The following RBBP8 variants were observed in gnomAD, a reference collection of about 807,000 sequenced individuals.
RBBP8 encodes the protein RB binding protein 8, endonuclease.
A neutral mutation model predicts 108.3 loss-of-function variants in RBBP8; 88 were observed. The observed-to-expected ratio is 0.81, with a 90% confidence interval of 0.68 to 0.97. The LOEUF is 0.97. RBBP8 is among the 50% of genes least tolerant of loss of function. The probability of loss-of-function intolerance (pLI) is 0.00; values close to 1 mark genes in which losing one functional copy is unlikely to be tolerated. For missense variants in RBBP8, 1,023 were observed against 1,049.0 expected, an observed-to-expected ratio of 0.98 and a Z score of 0.34; for synonymous variants, 332 against 348.2, an observed-to-expected ratio of 0.95 and a Z score of 0.52.
At chr18:23,000,405 T>C (rs2045927365) in intron 14 of RBBP8, among the ~76,000 whole-genome samples, 1 of 152,156 alleles carries the variant, frequency 6.6e-6, no homozygotes, top group Non-Finnish European at 1.5e-5. Context: ...CAGATGCTAA[T>C]GAAGATGAAA....
At chr18:22,966,719 CTTTTTTT>C (rs796853895) in intron 4 of RBBP8, among the ~76,000 whole-genome samples, 29 of 128,116 alleles carry the variant, frequency 2.3e-4, no homozygotes, top group South Asian at 2.2e-3. Context: ...TACTTACTAT[CTTTTTTT>C]TTTTTTTTTT....
chr18:22,949,596 T>G (rs915986325), intron 3 of RBBP8, 22 bp from the exon 4 acceptor site: 2 of 1,534,738 alleles, frequency 1.3e-6, no homozygotes, highest in African/African-American at 1.4e-5. Context: ...TCTGAAAAAC[T>G]TATTTATTTT....
intron 7 of RBBP8, among the ~76,000 whole-genome samples, chr18:22,984,037 T>C (rs1915145438): frequency 2.0e-5 from 3 of 152,158 alleles, no homozygotes; most frequent in Non-Finnish European, 4.4e-5. Context: ...GCTGAGATCA[T>C]GCCACTGCAC....
chr18:22,920,968 T>C (rs1050346618), intron 3 of RBBP8: 2 of 152,240 alleles, frequency 1.3e-5, no homozygotes, highest in Non-Finnish European at 2.9e-5. Flanking sequence ...CAACCAATCT[T>C]GGGTCATTAA....
Position 22,993,636 on chromosome 18 carries a change from A to G in RBBP8, c.1809A>G (p.Ile603Met). Residue 603 changes from isoleucine to methionine, a missense_variant, in exon 11 of 19, where the codon ATA (isoleucine) becomes ATG (methionine). By Grantham distance (10) the Ile-to-Met change is conservative. Coordinates refer to ENST00000327155, the MANE Select transcript of RBBP8 (RefSeq NM_002894.3). Reference sequence around the variant, plus strand: ...AGACTGAGAATGTTTTAGATGACATAAAGGTTTGTGTTAAATGTTCAAGGA... The same window carrying G: ...AGACTGAGAATGTTTTAGATGACATGAAGGTTTGTGTTAAATGTTCAAGGA... ...SLETENVLDDIKSAGSHEPIK... is the reference protein window; with the variant it reads ...SLETENVLDDMKSAGSHEPIK... The G allele has an allele frequency of 1.2e-6, 2 of 1,614,264 alleles. No homozygotes were observed. The highest frequency in any genetic ancestry group is 1.7e-6 in the Non-Finnish European group (2 of 1,180,034).
chr18:22,961,235 A>G (rs1183426701), intron 4 of RBBP8, among the ~76,000 whole-genome samples: 1 of 152,246 alleles, frequency 6.6e-6, no homozygotes, highest in Non-Finnish European at 1.5e-5. Flanking sequence ...GATGCCTGTT[A>G]GCCTTGTTTA....
chr18:23,006,285 G>A, intron 15 of RBBP8, 78 bp from the exon 16 acceptor site: 2 of 1,301,962 alleles, frequency 1.5e-6, no homozygotes, highest in Non-Finnish European at 2.2e-6. Context: ...TTGAGTGCGT[G>A]TCATTTTCTT....
rs887578213 is a variant in RBBP8 at position 22,933,559 on chromosome 18, G to C, written c.-104G>C. The C allele has an allele frequency of 6.5e-6, 1 of 153,694 alleles. No homozygotes were observed. The highest frequency in any genetic ancestry group is 1.5e-5 in the Non-Finnish European group (1 of 68,208). The allele number at this position is 153,694 out of a possible 1,614,324, so 9.5% of individuals were successfully genotyped here. ...TTTCGCGAATCCCGAGGCAATCTCG[G>C]AGGCGGTGAGTAAAAGCAATCTCTT... On this transcript the variant is annotated 5_prime_UTR_variant, in exon 1 of 19. Coordinates refer to ENST00000327155, the MANE Select transcript of RBBP8 (RefSeq NM_002894.3).
intron 4 of RBBP8, among the ~76,000 whole-genome samples, chr18:22,965,583 T>C (rs1299776820): frequency 6.6e-6 from 1 of 152,216 alleles, no homozygotes; most frequent in African/African-American, 2.4e-5. Flanking sequence ...TTCATTATTG[T>C]ACTCCTACTC....
chr18:22,957,291 C>CTTTTTTT lies in RBBP8; in HGVS notation c.248+7592_248+7598dup, dbSNP rs11418623. ...TTATACTTTGTTGTAATTACTTTTTCTTTTTTTTTTTTTTTTTTTTGCCTG... is the reference window on the plus strand; with the variant it reads ...TTATACTTTGTTGTAATTACTTTTTCTTTTTTTTTTTTTTTTTTTTTTTTTTTGCCTG... On this transcript the variant is annotated intron_variant, in intron 4 of 18. Coordinates refer to ENST00000327155, the MANE Select transcript of RBBP8 (RefSeq NM_002894.3). Among the ~76,000 whole-genome samples, 853 of 91,984 alleles carry CTTTTTTT rather than the reference C, an allele frequency of 9.3e-3. 4 individuals carry two copies. The highest frequency in any genetic ancestry group is 0.02 in the Middle Eastern group (2 of 100). 60.3% of individuals were successfully genotyped at this position (91,984 alleles called of 152,430 possible).
At chr18:22,958,980 C>T (rs1912834998) in intron 4 of RBBP8, among the ~76,000 whole-genome samples, 1 of 152,190 alleles carries the variant, frequency 6.6e-6, no homozygotes, top group South Asian at 2.1e-4. Context: ...TCAGTTATTT[C>T]ATTTCTCTCA....
Position 23,001,376 on chromosome 18 carries a change from G to A in RBBP8, c.2144-210G>A, listed in dbSNP as rs3764480. On this transcript the variant is annotated intron_variant, in intron 14 of 18. Coordinates refer to ENST00000327155, the MANE Select transcript of RBBP8 (RefSeq NM_002894.3). ...GAAGGTTTGTAACATAGATAAACAC[G>A]TGTCATGGGAATTTGTTGCACATAT... Among the ~76,000 whole-genome samples, 7,421 of 152,176 alleles carry A rather than the reference G, an allele frequency of 0.049. 352 individuals carry two copies. The highest frequency in any genetic ancestry group is 0.12 in the African/African-American group (5,086 of 41,502).
chr18:22,949,812 C>G, intron 4 of RBBP8, 99 bp downstream of exon 4: 1 of 861,904 alleles, frequency 1.2e-6, no homozygotes, highest in Non-Finnish European at 1.9e-6. Context: ...TGAAAGTGAT[C>G]TTTCCCACAG....
upstream of RBBP8, chr18:22,929,487 T>G (rs1035854022): frequency 2.4e-3 from 76 of 32,266 alleles, no homozygotes; most frequent in Middle Eastern, 0.019. Context: ...TGTGTGTGTG[T>G]GTGTGTGTGT....
intron 9 of RBBP8, among the ~76,000 whole-genome samples, chr18:22,989,598 C>T (rs1472805465): frequency 6.6e-6 from 1 of 150,984 alleles, no homozygotes; most frequent in Non-Finnish European, 1.5e-5. Context: ...TCTCTCATGC[C>T]CCCTCCCTGC....
At chr18:22,999,673 G>GTAA (rs1418107650) in intron 14 of RBBP8, among the ~76,000 whole-genome samples, 1 of 151,718 alleles carries the variant, frequency 6.6e-6, no homozygotes, top group African/African-American at 2.4e-5. Flanking sequence ...ACCCCATAAG[G>GTAA]TAAAACTTTT....
At chr18:22,967,643 GTATTT>G (rs1913724036) in intron 4 of RBBP8, among the ~76,000 whole-genome samples, 1 of 146,758 alleles carries the variant, frequency 6.8e-6, no homozygotes, top group Non-Finnish European at 1.5e-5. Context: ...AAGCTATTTC[GTATTT>G]TTTTTTTTTT....
chr18:22,973,830 A>G (rs1361401719), intron 5 of RBBP8, among the ~76,000 whole-genome samples: 1 of 151,916 alleles, frequency 6.6e-6, no homozygotes, highest in Non-Finnish European at 1.5e-5. Context: ...GCCCAAAGTA[A>G]CCTCTTTCTC....
chr18:22,984,422 C>T (rs1458551894), intron 7 of RBBP8, among the ~76,000 whole-genome samples: 1 of 152,126 alleles, frequency 6.6e-6, no homozygotes, highest in Non-Finnish European at 1.5e-5. Flanking sequence ...CTCACTCTGT[C>T]ATCCAGGGTG....
Sources: gnomAD v4.1 joint callset for allele counts (sites outside exome capture counted in the v4.1 genomes callset) on GRCh38, gnomAD v4.1.1 for gene constraint, MANE v1.5 for transcripts, NCBI Gene and HGNC (gene_info 2026-07-23, HGNC 2026-07-21) for gene names.